TPST2: variants seen among roughly 807,000 people sequenced by gnomAD.
TPST2 encodes the protein protein-tyrosine sulfotransferase 2.
Under a neutral mutation model 27.8 loss-of-function variants are expected in TPST2, and 16 were observed. The ratio of observed to expected loss-of-function variants is 0.58; its 90% confidence interval spans 0.39 to 0.88. TPST2 has a LOEUF of 0.88. Among genes scored for constraint, TPST2 ranks in the 40% least tolerant of loss-of-function variants. TPST2 has a pLI of 0.00. For missense variants in TPST2, 464 were observed against 543.1 expected (o/e 0.85, Z 1.45); for synonymous variants, 229 against 231.7 (o/e 0.99, Z 0.10).
intron 1 of TPST2, among the ~76,000 whole-genome samples, chr22:26,547,068 G>A (rs1926161719): frequency 6.6e-6 from 1 of 152,148 alleles, no homozygotes; most frequent in Non-Finnish European, 1.5e-5. Flanking sequence ...GGGAGAGGTA[G>A]GAGTCAAAGA....
At chr22:26,569,703 A>G (rs543007824) in intron 1 of TPST2, among the ~76,000 whole-genome samples, 16 of 151,964 alleles carry the variant, frequency 1.1e-4, no homozygotes, top group African/African-American at 3.4e-4. Context: ...TAATCCCAGC[A>G]CTTTGGGAGG....
chr22:26,575,320 C>CT (rs1441939948), intron 1 of TPST2, among the ~76,000 whole-genome samples: 2 of 152,132 alleles, frequency 1.3e-5, no homozygotes, highest in Non-Finnish European at 2.9e-5. Flanking sequence ...TGTACTGAAA[C>CT]TATTCCCTCT....
In TPST2 at chr22:26,553,353, T is replaced by C. The variant is rs1196996919; in HGVS notation, c.-160-8678A>G. On this transcript the variant is annotated intron_variant, in intron 1 of 6. Transcript: ENST00000338754. ...GCCACGTAAGGACTAGCAGAGAGGCTTGTGCATGCCTGGCAGTTTTTTTTT... is the reference window on the plus strand; with the variant it reads ...GCCACGTAAGGACTAGCAGAGAGGCCTGTGCATGCCTGGCAGTTTTTTTTT... Among the ~76,000 whole-genome samples the C allele has an allele frequency of 2.0e-5, 3 of 150,662 alleles. No homozygotes were observed. The East Asian group carries it at 5.9e-4, about 29-fold the overall frequency.
chr22:26,568,263 C>T (rs960668946), intron 1 of TPST2, among the ~76,000 whole-genome samples: 1 of 152,196 alleles, frequency 6.6e-6, no homozygotes, highest in African/African-American at 2.4e-5. Flanking sequence ...AATAACAACA[C>T]CTGTGATGAG....
intron 3 of TPST2, among the ~76,000 whole-genome samples, chr22:26,536,806 C>A (rs1349337149): frequency 6.6e-6 from 1 of 152,164 alleles, no homozygotes; most frequent in Non-Finnish European, 1.5e-5. Flanking sequence ...CACCTGTAAT[C>A]CCAGCACTTC....
chr22:26,546,577 G>C (rs762199015), intron 1 of TPST2, among the ~76,000 whole-genome samples: 4 of 152,256 alleles, frequency 2.6e-5, no homozygotes, highest in Admixed American at 6.5e-5. Flanking sequence ...CAGAGCAATG[G>C]AACAGGGCTG....
intron 1 of TPST2, chr22:26,561,083 A>G: frequency 6.2e-7 from 1 of 1,604,884 alleles, no homozygotes; most frequent in Admixed American, 1.7e-5. Context: ...AAAAGAAGGA[A>G]GAGGAGGAAG....
intron 3 of TPST2, among the ~76,000 whole-genome samples, chr22:26,539,488 C>A (rs1925670106): frequency 6.6e-6 from 1 of 151,146 alleles, no homozygotes; most frequent in African/African-American, 2.4e-5. Flanking sequence ...TTTAAGAACA[C>A]AATAGGCCAG....
chr22:26,560,817 A>C (rs1927048199), intron 1 of TPST2: 1 of 1,454,184 alleles, frequency 6.9e-7, no homozygotes, highest in Admixed American at 1.7e-5. Context: ...ACCCAAGAGG[A>C]CTCCTTCGGC....
chr22:26,581,769 C>G (rs1341030799), intron 1 of TPST2, among the ~76,000 whole-genome samples: 1 of 152,230 alleles, frequency 6.6e-6, no homozygotes, highest in Non-Finnish European at 1.5e-5. Context: ...ATCTAACACT[C>G]ACCAAATCAA....
intron 1 of TPST2, among the ~76,000 whole-genome samples, chr22:26,586,670 C>G (rs1018012548): frequency 2.0e-5 from 3 of 152,214 alleles, no homozygotes; most frequent in African/African-American, 7.2e-5. Context: ...GGTCTTAACA[C>G]CATTCCCAAA....
intron 5 of TPST2, among the ~76,000 whole-genome samples, chr22:26,531,518 C>T (rs985070625): frequency 9.9e-5 from 15 of 152,248 alleles, no homozygotes; most frequent in Non-Finnish European, 2.9e-5. Flanking sequence ...ACACTCCCCA[C>T]TTTCAGGCGT....
At chr22:26,587,485 C>T (rs1470171478) in intron 1 of TPST2, among the ~76,000 whole-genome samples, 1 of 152,126 alleles carries the variant, frequency 6.6e-6, no homozygotes, top group African/African-American at 2.4e-5. Flanking sequence ...GGGTTACAGG[C>T]ACGCACCACC....
rs1456963531 is a variant in TPST2, at chr22:26,561,015, G to C, written c.-160-16340C>G. 4.4e-6 allele frequency: 7 copies of C among 1,605,404 alleles called. No homozygotes were observed. The African/African-American group carries it at 8.0e-5, about 18-fold the overall frequency. ...CGAAAAGGATATTGCTGCATATCGAGCTAAAGGAAAGCCTGATGCAGCAAA... is the reference window on the plus strand; with the variant it reads ...CGAAAAGGATATTGCTGCATATCGACCTAAAGGAAAGCCTGATGCAGCAAA... On this transcript the variant is annotated intron_variant, in intron 1 of 6. Transcript: ENST00000338754.
chr22:26,540,199 C>G (rs920096703), intron 3 of TPST2, among the ~76,000 whole-genome samples: 8 of 152,214 alleles, frequency 5.3e-5, no homozygotes. Flanking sequence ...CAGGGTCACA[C>G]AGCTAAGAAG....
intron 4 of TPST2, among the ~76,000 whole-genome samples, chr22:26,534,667 T>C (rs1925351144): frequency 6.6e-6 from 1 of 152,204 alleles, no homozygotes; most frequent in African/African-American, 2.4e-5. Flanking sequence ...AGCCCACTAC[T>C]GCAGTGTCCC....
rs1449434007 is a variant in TPST2, at chr22:26,590,118, C to A, written c.-226G>T. On this transcript the variant is annotated 5_prime_UTR_variant, in exon 1 of 7. Transcript: ENST00000338754. Reference sequence around the variant, plus strand: ...CTCCCGGCTCTCCAGCCGCCCCAGCCGGGGAAGGGGGAGGTGCCCGCGCGG... The same window carrying A: ...CTCCCGGCTCTCCAGCCGCCCCAGCAGGGGAAGGGGGAGGTGCCCGCGCGG... The A allele has an allele frequency of 1.3e-5, 2 of 151,964 alleles. No homozygotes were observed. Among genetic ancestry groups the A allele is most frequent in the African/African-American group, 4.8e-5 (2 of 41,404 alleles). 9.4% of individuals were successfully genotyped at this position (151,964 alleles called of 1,614,324 possible).
chr22:26,552,622 G>C (rs3827325), intron 1 of TPST2, among the ~76,000 whole-genome samples: 55,586 of 151,978 alleles, frequency 0.37, 10,577 homozygotes, highest in African/African-American at 0.46. Flanking sequence ...TCCACTGCGA[G>C]TTTGCAACTG....
chr22:26,578,074 A>G (rs2147238241), intron 1 of TPST2, among the ~76,000 whole-genome samples: 1 of 152,306 alleles, frequency 6.6e-6, no homozygotes, highest in Middle Eastern at 3.4e-3. Context: ...AAGAATTACC[A>G]AAAGGAATTT....
Sources: allele counts gnomAD v4.1 joint callset (sites outside exome capture counted in the v4.1 genomes callset), GRCh38; gene constraint gnomAD v4.1.1; transcripts MANE v1.5; gene names NCBI Gene and HGNC (gene_info 2026-07-23, HGNC 2026-07-21).